Variants in CRISPLD2 observed in about 807,000 individuals in gnomAD.
The protein encoded by CRISPLD2 is cysteine rich secretory protein LCCL domain containing 2.
A neutral mutation model predicts 71.1 loss-of-function variants in CRISPLD2; 47 were observed. The ratio of observed to expected loss-of-function variants is 0.66; its 90% CI spans 0.52 to 0.84. The LOEUF is 0.84. Ranked by LOEUF, CRISPLD2 falls within the 40% of genes least tolerant of loss-of-function variation. CRISPLD2 has a pLI of 0.00. For synonymous variants in CRISPLD2, 317 were observed against 250.1 expected (o/e 1.27, Z -2.52); for missense variants, 830 against 651.1 (o/e 1.27, Z -2.99).
intron 14 of CRISPLD2, among the ~76,000 whole-genome samples, chr16:84,902,527 A>C (rs2071764315): frequency 1.3e-5 from 2 of 151,458 alleles, no homozygotes; most frequent in South Asian, 4.2e-4. Context: ...GGAGAATGGC[A>C]TGAACCCAGG....
chr16:84,894,735 A>G (rs2071691346), intron 14 of CRISPLD2, among the ~76,000 whole-genome samples: 1 of 152,152 alleles, frequency 6.6e-6, no homozygotes, highest in Admixed American at 6.5e-5. Flanking sequence ...GAAATAAGAA[A>G]TTTACATTCT....
At chr16:84,902,600 A>G (rs1349274257) in intron 14 of CRISPLD2, among the ~76,000 whole-genome samples, 1 of 149,212 alleles carries the variant, frequency 6.7e-6, no homozygotes, top group Non-Finnish European at 1.5e-5. Flanking sequence ...ACAGAGCGAG[A>G]CTCCATCTCA....
chr16:84,831,211 C>G (rs953479624), intron 1 of CRISPLD2, among the ~76,000 whole-genome samples: 1 of 152,156 alleles, frequency 6.6e-6, no homozygotes, highest in African/African-American at 2.4e-5. Flanking sequence ...GACAGGATAA[C>G]CTCGGTGTGA....
chr16:84,835,253 A>C (rs967723570), intron 1 of CRISPLD2, among the ~76,000 whole-genome samples: 4 of 151,830 alleles, frequency 2.6e-5, no homozygotes, highest in Non-Finnish European at 5.9e-5. Flanking sequence ...ACCACGCCCA[A>C]CTGATTTTGT....
At chr16:84,902,243 T>C (rs1324207523) in intron 14 of CRISPLD2, among the ~76,000 whole-genome samples, 1 of 152,084 alleles carries the variant, frequency 6.6e-6, no homozygotes, top group Non-Finnish European at 1.5e-5. Flanking sequence ...AAGTACAGAA[T>C]AGAAAGGTGC....
chr16:84,894,456 C>T (rs1037416040), intron 14 of CRISPLD2, among the ~76,000 whole-genome samples: 10 of 152,134 alleles, frequency 6.6e-5, no homozygotes, highest in Admixed American at 1.3e-4. Flanking sequence ...CCATCTGAAT[C>T]GCAAATTCAT....
intron 3 of CRISPLD2, among the ~76,000 whole-genome samples, chr16:84,847,417 C>G (rs1268371346): frequency 6.6e-6 from 1 of 152,074 alleles, no homozygotes; most frequent in Non-Finnish European, 1.5e-5. Flanking sequence ...TTTGGGAGGC[C>G]AAGGTGGGCA....
intron 1 of CRISPLD2, 80 bp from the exon 2 acceptor site, chr16:84,838,342 G>T: frequency 7.3e-6 from 6 of 826,208 alleles, no homozygotes; most frequent in East Asian, 2.5e-5. Context: ...AGTCGTGTGT[G>T]CTGCGTTCGC....
chr16:84,857,511 C>T (rs540177464), intron 6 of CRISPLD2, among the ~76,000 whole-genome samples: 11 of 152,206 alleles, frequency 7.2e-5, no homozygotes, highest in Non-Finnish European at 1.3e-4. Context: ...GCCCATGAAT[C>T]AGTATATAAT....
At chr16:84,862,017 A>G (rs1044669500) in intron 6 of CRISPLD2, among the ~76,000 whole-genome samples, 36 of 152,218 alleles carry the variant, frequency 2.4e-4, no homozygotes, top group African/African-American at 8.2e-4. Context: ...AGTACCTGCA[A>G]TGTGGACAGC....
intron 14 of CRISPLD2, among the ~76,000 whole-genome samples, chr16:84,897,525 T>C (rs1021642030): frequency 2.0e-5 from 3 of 152,334 alleles, no homozygotes; most frequent in African/African-American, 7.2e-5. Flanking sequence ...CAACTTCCCA[T>C]ACCCAGAAAC....
Position 84,850,698 on chromosome 16 carries a change from T to C in CRISPLD2, c.608+15T>C. 6.3e-7 allele frequency: 1 copy of C among 1,594,788 alleles called. No individual in the cohort carries two copies. Among genetic ancestry groups the C allele is most frequent in the South Asian group, 1.1e-5 (1 of 90,732 alleles). The stretch of plus-strand genomic sequence containing the variant: ...TATTCTCCAAAGTAAGACAAGTTGA[T>C]GCCGTTGTATGGGGTGGGGGTTGGG... On this transcript the variant is annotated intron_variant, in intron 5 of 14. Coordinates refer to ENST00000262424, the MANE Select transcript of CRISPLD2 (RefSeq NM_031476.4).
At chr16:84,830,441 C>T (rs893009412) in intron 1 of CRISPLD2, among the ~76,000 whole-genome samples, 2 of 152,172 alleles carry the variant, frequency 1.3e-5, no homozygotes, top group African/African-American at 2.4e-5. Flanking sequence ...TGGTGGCTCA[C>T]GCCTGTAATC....
At chr16:84,869,288 C>T (rs2071445296) in intron 8 of CRISPLD2, among the ~76,000 whole-genome samples, 1 of 152,190 alleles carries the variant, frequency 6.6e-6, no homozygotes, top group Non-Finnish European at 1.5e-5. Flanking sequence ...CTGGGCTGTT[C>T]TTTGTGGTAG....
Position 84,866,926 on chromosome 16 carries a change from G to A in CRISPLD2, c.739G>A (p.Asp247Asn), listed in dbSNP as rs753223113. Reference sequence around the variant, plus strand: ...AACCTACACTCCAAAACCTGAAACGGACGAGATGAATGAGGTGGAAACGGC... The same window carrying A: ...AACCTACACTCCAAAACCTGAAACGAACGAGATGAATGAGGTGGAAACGGC... ...EETYTPKPET[D>N]EMNEVETAPI... The change falls in exon 7 of 15, where the codon GAC (aspartate) becomes AAC (asparagine). Residue 247 changes from aspartate (D) to asparagine (N), a missense_variant. Asp to Asn is a conservative substitution (Grantham distance 23). Transcript: ENST00000262424. 2 of 1,614,066 alleles carry A rather than the reference G, an allele frequency of 1.2e-6. No individual in the cohort carries two copies. The highest frequency in any genetic ancestry group is 2.2e-5 in the South Asian group (2 of 91,070).
At chr16:84,903,603 A>T (rs932372318) in intron 14 of CRISPLD2, among the ~76,000 whole-genome samples, 3 of 152,090 alleles carry the variant, frequency 2.0e-5, no homozygotes, top group East Asian at 1.9e-4. Context: ...AAATTTAAAA[A>T]AAAAAAAAAA....
chr16:84,825,827 C>T (rs11645145), intron 1 of CRISPLD2, among the ~76,000 whole-genome samples: 72,871 of 151,798 alleles, frequency 0.48, 18,781 homozygotes, highest in Non-Finnish European at 0.57. Context: ...ATTAGCCAGC[C>T]GTGGTAGGGC....
At chr16:84,833,295 G>A (rs1030494351) in intron 1 of CRISPLD2, among the ~76,000 whole-genome samples, 3 of 152,168 alleles carry the variant, frequency 2.0e-5, no homozygotes, top group Non-Finnish European at 2.9e-5. Context: ...TCTGCTGTGT[G>A]CTGAAATCTG....
chr16:84,834,315 AG>A (rs1202257736), intron 1 of CRISPLD2, among the ~76,000 whole-genome samples: 1 of 152,232 alleles, frequency 6.6e-6, no homozygotes, highest in Non-Finnish European at 1.5e-5. Context: ...GACCACTTGG[AG>A]GTCCATCCCA....
Sources: allele counts gnomAD v4.1 joint callset (sites outside exome capture counted in the v4.1 genomes callset), GRCh38; gene constraint gnomAD v4.1.1; transcripts MANE v1.5; gene names NCBI Gene and HGNC (gene_info 2026-07-23, HGNC 2026-07-21).